The following CTNNA3 variants were observed in gnomAD, a reference collection of about 807,000 sequenced individuals.
CTNNA3 encodes catenin alpha-3.
Under a neutral mutation model 95.7 loss-of-function variants are expected in CTNNA3, and 76 were observed. The ratio of observed to expected loss-of-function variants is 0.79; its 90% CI spans 0.66 to 0.96. CTNNA3 has a LOEUF of 0.96. Among genes scored for constraint, CTNNA3 ranks in the 40% least tolerant of loss-of-function variants. The probability of loss-of-function intolerance (pLI) is 0.00; values close to 1 mark genes in which losing one functional copy is unlikely to be tolerated. For synonymous variants in CTNNA3, 431 were observed against 374.4 expected, an observed-to-expected ratio of 1.15 and a Z score of -1.74; for missense variants, 1,191 against 1,089.8, an observed-to-expected ratio of 1.09 and a Z score of -1.31.
intron 6 of CTNNA3, among the ~76,000 whole-genome samples, chr10:67,213,526 T>G (rs1864227427): frequency 6.6e-6 from 1 of 151,830 alleles, no homozygotes; most frequent in African/African-American, 2.4e-5. Flanking sequence ...AAGTGGAAAC[T>G]TAGCTCCTTA....
intron 13 of CTNNA3, among the ~76,000 whole-genome samples, chr10:66,260,328 G>A (rs140357868): frequency 1.3e-5 from 2 of 152,066 alleles, no homozygotes; most frequent in African/African-American, 4.8e-5. Context: ...CTCCCTAGTT[G>A]TCATTTATTG....
At chr10:67,209,225 T>A (rs1864035217) in intron 6 of CTNNA3, among the ~76,000 whole-genome samples, 1 of 152,114 alleles carries the variant, frequency 6.6e-6, no homozygotes, top group Non-Finnish European at 1.5e-5. Context: ...ATTTTTGTAT[T>A]TTTAGTAGAG....
Position 66,199,782 on chromosome 10 carries a change from TATATATATATATATATA to T in CTNNA3, c.1884+80671_1884+80687del, listed in dbSNP as rs1564755801. On this transcript the variant is annotated intron_variant, in intron 13 of 17. Coordinates refer to ENST00000433211, the MANE Select transcript of CTNNA3 (RefSeq NM_013266.4). ...ACGCCTGGCTATATATATATATATA[TATATATATATATATATA>T]TATATATTTTTTTTTTTTTTTTTTT... Among the ~76,000 whole-genome samples, 15 of 12,664 alleles carry T rather than the reference TATATATATATATATATA, an allele frequency of 1.2e-3. 1 individual carries two copies. Among genetic ancestry groups the T allele is most frequent in the African/African-American group, 3.5e-3 (13 of 3,714 alleles). 8.3% of individuals were successfully genotyped at this position (12,664 alleles called of 152,430 possible).
intron 13 of CTNNA3, among the ~76,000 whole-genome samples, chr10:66,253,695 G>T (rs2090648681): frequency 6.6e-6 from 1 of 152,032 alleles, no homozygotes; most frequent in African/African-American, 2.4e-5. Context: ...TGTGGTGTAT[G>T]CATGTGTGTT....
intron 5 of CTNNA3, among the ~76,000 whole-genome samples, chr10:67,504,412 G>A (rs1589367976): frequency 8.5e-6 from 1 of 117,716 alleles, no homozygotes; most frequent in East Asian, 3.2e-4. Context: ...CTCCAGCCTG[G>A]GCAACAGAGT....
chr10:66,797,986 C>T (rs1392716276), intron 7 of CTNNA3, among the ~76,000 whole-genome samples: 1 of 151,750 alleles, frequency 6.6e-6, no homozygotes, highest in East Asian at 1.9e-4. Flanking sequence ...CCAGATTGGC[C>T]TTTGACAATA....
chr10:67,307,863 G>A (rs970238092), intron 5 of CTNNA3, among the ~76,000 whole-genome samples: 6 of 152,164 alleles, frequency 3.9e-5, no homozygotes, highest in Admixed American at 1.3e-4. Flanking sequence ...TTCATCACTC[G>A]GGACCTATAA....
At chr10:67,641,248 A>G (rs1359068773) in intron 2 of CTNNA3, among the ~76,000 whole-genome samples, 1 of 152,202 alleles carries the variant, frequency 6.6e-6, no homozygotes, top group Non-Finnish European at 1.5e-5. Flanking sequence ...CAAAAGACAC[A>G]TGAAAAAATG....
chr10:67,447,126 A>C (rs1298000352), intron 5 of CTNNA3, among the ~76,000 whole-genome samples: 1 of 152,178 alleles, frequency 6.6e-6, no homozygotes, highest in Non-Finnish European at 1.5e-5. Context: ...AACAATAAAA[A>C]AAATGACAAG....
intron 5 of CTNNA3, among the ~76,000 whole-genome samples, chr10:67,316,065 A>G (rs1340031923): frequency 1.3e-5 from 2 of 152,168 alleles, no homozygotes; most frequent in Non-Finnish European, 2.9e-5. Flanking sequence ...TAAATCGGCT[A>G]TATCATTTAT....
intron 12 of CTNNA3, among the ~76,000 whole-genome samples, chr10:66,324,311 C>A (rs1227004130): frequency 1.3e-5 from 2 of 152,062 alleles, no homozygotes; most frequent in African/African-American, 4.8e-5. Context: ...CAGAGCGAGA[C>A]TGCATCTCAA....
At chr10:66,504,012 G>A (rs139366929) in intron 11 of CTNNA3, among the ~76,000 whole-genome samples, 6 of 152,052 alleles carry the variant, frequency 3.9e-5, no homozygotes, top group South Asian at 4.1e-4. Flanking sequence ...TAAATCAAGC[G>A]AATTAACATA....
At chr10:66,475,656 C>A (rs941685637) in intron 11 of CTNNA3, among the ~76,000 whole-genome samples, 1 of 151,968 alleles carries the variant, frequency 6.6e-6, no homozygotes. Context: ...ATCTAAACTA[C>A]AATGAGATAT....
intron 10 of CTNNA3, among the ~76,000 whole-genome samples, chr10:66,533,516 A>C (rs561625434): frequency 6.6e-6 from 1 of 152,210 alleles, no homozygotes; most frequent in East Asian, 1.9e-4. Flanking sequence ...CTCATTAACG[A>C]GATGTTCATT....
intron 12 of CTNNA3, among the ~76,000 whole-genome samples, chr10:66,309,906 A>AAATAAAT (rs2091989292): frequency 7.4e-6 from 1 of 135,846 alleles, no homozygotes; most frequent in East Asian, 2.2e-4. Flanking sequence ...AAAGATACAA[A>AAATAAAT]AAATAAATAA....
chr10:66,206,415 G>A (rs1024189265), intron 13 of CTNNA3, among the ~76,000 whole-genome samples: 4 of 151,786 alleles, frequency 2.6e-5, no homozygotes, highest in Non-Finnish European at 4.4e-5. Flanking sequence ...GCCTAATTTC[G>A]TGGGACAACA....
chr10:67,574,577 C>CTTTTT (rs11288654), intron 3 of CTNNA3, among the ~76,000 whole-genome samples: 1 of 116,274 alleles, frequency 8.6e-6, no homozygotes, highest in East Asian at 2.8e-4. Context: ...AGGTTGTTAA[C>CTTTTT]TTTTTTTTTT....
chr10:66,875,457 G>T (rs192272030), intron 7 of CTNNA3, among the ~76,000 whole-genome samples: 1 of 151,572 alleles, frequency 6.6e-6, no homozygotes, highest in East Asian at 1.9e-4. Flanking sequence ...CAGTCAACCA[G>T]TTCCAAATCA....
rs146629554 is a variant in CTNNA3, at chr10:67,140,744, G to A, written c.1047+39573C>T. Reference sequence around the variant, plus strand: ...ATAAATACTAATATTCTAAGGACAGGTCAAGTCCTATTTGGTTTTATGTGC... The same window carrying A: ...ATAAATACTAATATTCTAAGGACAGATCAAGTCCTATTTGGTTTTATGTGC... On this transcript the variant is annotated intron_variant, in intron 7 of 17. Transcript: ENST00000433211. 1.1e-3 allele frequency among the ~76,000 whole-genome samples: 173 copies of A among 152,272 alleles called. 1 individual carries two copies. The highest frequency in any genetic ancestry group is 4.0e-3 in the African/African-American group (167 of 41,570).
Sources: allele counts gnomAD v4.1 joint callset (sites outside exome capture counted in the v4.1 genomes callset), GRCh38; gene constraint gnomAD v4.1.1; transcripts MANE v1.5; gene names NCBI Gene and HGNC (gene_info 2026-07-23, HGNC 2026-07-21).